The following KLHL20 variants were observed in gnomAD, a reference collection of about 807,000 sequenced individuals.
KLHL20 encodes the protein kelch like family member 20, also known as kelch-like protein 20.
Under a neutral mutation model 69.5 loss-of-function variants are expected in KLHL20, and 29 were observed. That is an observed-to-expected ratio of 0.42 (90% CI 0.31 to 0.57). The LOEUF (loss-of-function observed/expected upper bound fraction) is 0.57, where lower values mean the gene tolerates loss of function less well. Ranked by LOEUF, KLHL20 falls within the 20% of genes least tolerant of loss-of-function variation. The probability of loss-of-function intolerance (pLI) is 0.18; values close to 1 mark genes in which losing one functional copy is unlikely to be tolerated. For missense variants in KLHL20, 419 were observed against 776.0 expected (o/e 0.54, Z 5.47); for synonymous variants, 253 against 265.2 (o/e 0.95, Z 0.45).
chr1:173,765,215 C>T (rs1473985198), intron 7 of KLHL20, among the ~76,000 whole-genome samples: 1 of 152,102 alleles, frequency 6.6e-6, no homozygotes, highest in Non-Finnish European at 1.5e-5. Flanking sequence ...AAAAATTAAG[C>T]ATACTCGGCC....
chr1:173,764,133 A>G (rs1368541219), intron 7 of KLHL20, among the ~76,000 whole-genome samples: 1 of 152,226 alleles, frequency 6.6e-6, no homozygotes, highest in Non-Finnish European at 1.5e-5. Flanking sequence ...AATGCTCAAC[A>G]TCACAATGAT....
At chr1:173,742,304 TC>T (rs1672841705) in intron 3 of KLHL20, among the ~76,000 whole-genome samples, 1 of 152,184 alleles carries the variant, frequency 6.6e-6, no homozygotes, top group African/African-American at 2.4e-5. Flanking sequence ...TACGGCGGTA[TC>T]TATCAAAGTT....
chr1:173,748,033 T>C (rs1337453441), intron 3 of KLHL20, among the ~76,000 whole-genome samples: 2 of 145,726 alleles, frequency 1.4e-5, no homozygotes, highest in Non-Finnish European at 3.0e-5. Flanking sequence ...TGAGGAAATA[T>C]TATGAACAAC....
rs763841877 is a variant in KLHL20, at chr1:173,733,759, C to T, written c.70C>T (p.Arg24Cys). The T allele has an allele frequency of 8.1e-6, 13 of 1,614,018 alleles. No individual in the cohort carries two copies. Among genetic ancestry groups the T allele is most frequent in the Non-Finnish European group, 6.8e-6 (8 of 1,179,986 alleles). The change falls in exon 3 of 12, where the codon CGC becomes TGC. Residue 24 changes from arginine (R) to cysteine (C), a missense_variant. Physicochemically the swap from Arg to Cys is radical, Grantham distance 180. Transcript: ENST00000209884. The stretch of plus-strand genomic sequence containing the variant: ...AGAGACTGGAATGGATGTAACAAGC[C>T]GCTGCACCCTTGGAGACCCCAACAA... Reference protein sequence around the residue: ...PGETGMDVTSRCTLGDPNKLP... With the variant: ...PGETGMDVTSCCTLGDPNKLP...
chr1:173,719,197 A>G (rs1424086437), intron 2 of KLHL20, among the ~76,000 whole-genome samples: 4 of 152,022 alleles, frequency 2.6e-5, no homozygotes, highest in African/African-American at 9.7e-5. Flanking sequence ...TCCATTGTCT[A>G]TATGCACCTT....
intron 3 of KLHL20, among the ~76,000 whole-genome samples, chr1:173,749,553 A>G (rs1673213189): frequency 6.6e-6 from 1 of 152,146 alleles, no homozygotes; most frequent in South Asian, 2.1e-4. Flanking sequence ...TGGTGGGGGA[A>G]AAGGAGAGGT....
intron 2 of KLHL20, among the ~76,000 whole-genome samples, chr1:173,718,703 A>G (rs188127533): frequency 3.5e-4 from 53 of 152,276 alleles, no homozygotes; most frequent in African/African-American, 1.1e-3. Context: ...CCCGTGTAAC[A>G]GAGAGAGACC....
At chr1:173,765,120 G>A (rs1046825203) in intron 7 of KLHL20, among the ~76,000 whole-genome samples, 8 of 129,052 alleles carry the variant, frequency 6.2e-5, no homozygotes, top group Non-Finnish European at 1.3e-4. Flanking sequence ...CACTGAAAAG[G>A]CAATAAAACC....
Position 173,758,458 on chromosome 1 carries a change from G to GA in KLHL20, c.1151+1305dup, listed in dbSNP as rs958156182. ...AATGTTAGCTCCAGACTGACTGCAA[G>GA]AAAAAATCAGCAATCTCAAGAGGAC... On this transcript the variant is annotated intron_variant, in intron 7 of 11. Coordinates refer to ENST00000209884, the MANE Select transcript of KLHL20 (RefSeq NM_014458.4). 3.3e-5 allele frequency among the ~76,000 whole-genome samples: 5 copies of GA among 152,136 alleles called. No homozygotes were observed. The South Asian group carries it at 6.2e-4, about 19-fold the overall frequency.
chr1:173,760,139 G>T (rs1673733573), intron 7 of KLHL20, among the ~76,000 whole-genome samples: 1 of 151,960 alleles, frequency 6.6e-6, no homozygotes, highest in South Asian at 2.1e-4. Flanking sequence ...CAAAGACAAG[G>T]TCTTTGAATT....
At chr1:173,779,979 CA>C (rs1648753053) in intron 10 of KLHL20, among the ~76,000 whole-genome samples, 1 of 152,094 alleles carries the variant, frequency 6.6e-6, no homozygotes, top group Admixed American at 6.6e-5. Flanking sequence ...TTGCTGAGAG[CA>C]AAATATAACC....
intron 3 of KLHL20, among the ~76,000 whole-genome samples, chr1:173,735,864 T>C (rs1336526039): frequency 2.0e-5 from 3 of 152,052 alleles, no homozygotes; most frequent in Admixed American, 1.3e-4. Flanking sequence ...TGGTTTTCCA[T>C]TCCTGAGTTA....
intron 9 of KLHL20, among the ~76,000 whole-genome samples, chr1:173,774,810 T>G (rs1420904345): frequency 6.6e-6 from 1 of 152,152 alleles, no homozygotes; most frequent in Admixed American, 6.6e-5. Flanking sequence ...ATTTGGGTTT[T>G]GTTTTTGTTT....
chr1:173,737,310 G>A lies in KLHL20; in HGVS notation c.597+3024G>A, dbSNP rs1164317444. Among the ~76,000 whole-genome samples the A allele has an allele frequency of 2.0e-5, 3 of 152,214 alleles. No individual in the cohort carries two copies. In the East Asian group the frequency reaches 5.8e-4, roughly 29 times the overall value. ...AACTCTTTGCCTGAGCCAATGTCTA[G>A]AAGGGTTTCTCCAATGTTATCTTCT... is the stretch of plus-strand genomic sequence containing the variant. On this transcript the variant is annotated intron_variant, in intron 3 of 11. Coordinates refer to ENST00000209884, the MANE Select transcript of KLHL20 (RefSeq NM_014458.4).
intron 11 of KLHL20, among the ~76,000 whole-genome samples, chr1:173,784,589 C>T (rs1649084759): frequency 6.6e-6 from 1 of 152,144 alleles, no homozygotes; most frequent in Non-Finnish European, 1.5e-5. Flanking sequence ...ACCAACTCTA[C>T]CTCATAGCTG....
At chr1:173,760,874 G>C (rs1647245187) in intron 7 of KLHL20, among the ~76,000 whole-genome samples, 1 of 152,150 alleles carries the variant, frequency 6.6e-6, no homozygotes, top group Non-Finnish European at 1.5e-5. Context: ...CGAAAGTAAA[G>C]TAACGGTACC....
intron 7 of KLHL20, among the ~76,000 whole-genome samples, chr1:173,757,520 C>T (rs1469205736): frequency 6.6e-6 from 1 of 151,990 alleles, no homozygotes; most frequent in Non-Finnish European, 1.5e-5. Context: ...TTTCCTTTGG[C>T]CAGGTGCAGT....
intron 8 of KLHL20, among the ~76,000 whole-genome samples, chr1:173,772,503 TA>T (rs1648158191): frequency 6.6e-6 from 1 of 152,184 alleles, no homozygotes; most frequent in Non-Finnish European, 1.5e-5. Flanking sequence ...TCTCAAAACA[TA>T]AAATGAAGTG....
chr1:173,742,738 G>A (rs558449394), intron 3 of KLHL20, among the ~76,000 whole-genome samples: 5 of 150,488 alleles, frequency 3.3e-5, no homozygotes, highest in African/African-American at 1.2e-4. Flanking sequence ...ATACATGTGT[G>A]TATATATGTA....
Sources: gnomAD v4.1 joint callset for allele counts (sites outside exome capture counted in the v4.1 genomes callset) on GRCh38, gnomAD v4.1.1 for gene constraint, MANE v1.5 for transcripts, NCBI Gene and HGNC (gene_info 2026-07-23, HGNC 2026-07-21) for gene names.